Variants in SLC5A11 observed in about 807,000 individuals in gnomAD.
SLC5A11 encodes the protein solute carrier family 5 member 11.
A neutral mutation model predicts 69.8 loss-of-function variants in SLC5A11; 48 were observed. The ratio of observed to expected loss-of-function variants is 0.69; its 90% CI spans 0.55 to 0.87. The LOEUF is 0.87. Among genes scored for constraint, SLC5A11 ranks in the 40% least tolerant of loss-of-function variants. The probability of loss-of-function intolerance (pLI) is 0.00; values close to 1 mark genes in which losing one functional copy is unlikely to be tolerated. For synonymous variants in SLC5A11, 319 were observed against 342.4 expected (o/e 0.93, Z 0.75); for missense variants, 784 against 866.1 (o/e 0.91, Z 1.19).
exon 16 of SLC5A11, chr16:24,911,448 A>G: frequency 2.5e-6 from 4 of 1,614,166 alleles, no homozygotes; most frequent in Non-Finnish European, 3.4e-6. Flanking sequence ...TCCCTGGAAG[A>G]AAACCCCTTG....
Position 24,884,047 on chromosome 16 carries a change from C to T in SLC5A11, c.584-4C>T, listed in dbSNP as rs2048226761. On this transcript the variant is annotated splice_region_variant and splice_polypyrimidine_tract_variant and intron_variant, in intron 7 of 15. Transcript: ENST00000347898. ...GACCCTCACCTCCGTGCTCATCCCA[C>T]CAGGTGGCCTGGCTGCTGTGATCTA... 6.2e-7 allele frequency: 1 copy of T among 1,603,058 alleles called. No individual in the cohort carries two copies. The highest frequency in any genetic ancestry group is 8.5e-7 in the Non-Finnish European group (1 of 1,175,198).
At chr16:24,910,509 A>G in intron 15 of SLC5A11, 32 bp downstream of exon 16, 2 of 1,607,424 alleles carry the variant, frequency 1.2e-6, no homozygotes, top group South Asian at 1.1e-5. Context: ...TTACAGCAAG[A>G]AGGAGTACGT....
intron 12 of SLC5A11, among the ~76,000 whole-genome samples, chr16:24,907,627 G>A (rs1184076168): frequency 6.6e-6 from 1 of 151,882 alleles, no homozygotes; most frequent in Non-Finnish European, 1.5e-5. Context: ...AGAATCGTTT[G>A]AACCCAGGAG....
Position 24,892,243 on chromosome 16 carries a change from G to T in SLC5A11, c.870+1169G>T, listed in dbSNP as rs752590326. On this transcript the variant is annotated intron_variant, in intron 9 of 15. Coordinates refer to ENST00000347898, the Ensembl canonical transcript of SLC5A11. Reference sequence around the variant, plus strand: ...ACAGTAAGATCCTGTCTCAAATAATGTAGGGTGCTGAGGGGAGGTATCATT... The same window carrying T: ...ACAGTAAGATCCTGTCTCAAATAATTTAGGGTGCTGAGGGGAGGTATCATT... Among the ~76,000 whole-genome samples the T allele has an allele frequency of 1.4e-4, 22 of 151,856 alleles. No individual in the cohort carries two copies. In the East Asian group the frequency reaches 2.1e-3, roughly 15 times the overall value.
chr16:24,893,776 T>C (rs759095151), intron 9 of SLC5A11, among the ~76,000 whole-genome samples: 2 of 152,234 alleles, frequency 1.3e-5, no homozygotes, highest in Non-Finnish European at 2.9e-5. Context: ...TTCGCTATGT[T>C]GGCCAGGCTA....
intron 2 of SLC5A11, among the ~76,000 whole-genome samples, chr16:24,860,920 G>T (rs1340067044): frequency 6.6e-6 from 1 of 151,986 alleles, no homozygotes; most frequent in East Asian, 1.9e-4. Flanking sequence ...TGTTAGCCAG[G>T]ATGGTCTCAA....
rs2050269940 is a variant in SLC5A11, at chr16:24,908,786, A to G, written c.1435-95A>G. 15 of 1,178,800 alleles carry G rather than the reference A, an allele frequency of 1.3e-5. No individual in the cohort carries two copies. The East Asian group carries it at 3.6e-4, about 29-fold the overall frequency. 73.0% of individuals were successfully genotyped at this position (1,178,800 alleles called of 1,614,324 possible). ...TTGCTGACCCGTGCTTGCAGTGACC[A>G]CCACAAGAAAGACAAGTCCTGGAGA... On this transcript the variant is annotated intron_variant, in intron 13 of 15. Transcript: ENST00000347898.
intron 1 of SLC5A11, among the ~76,000 whole-genome samples, chr16:24,850,538 C>G (rs549495001): frequency 1.4e-4 from 22 of 152,294 alleles, no homozygotes; most frequent in Admixed American, 9.2e-4. Flanking sequence ...TGGCTTCCAG[C>G]CTGGGTGATG....
intron 7 of SLC5A11, among the ~76,000 whole-genome samples, chr16:24,878,090 C>T (rs976637889): frequency 1.3e-5 from 2 of 151,362 alleles, no homozygotes; most frequent in Admixed American, 6.6e-5. Context: ...GTGGGGCGGA[C>T]GTTGCAGTGA....
At chr16:24,850,148 C>G (rs1231057993) in intron 1 of SLC5A11, among the ~76,000 whole-genome samples, 1 of 152,052 alleles carries the variant, frequency 6.6e-6, no homozygotes, top group Non-Finnish European at 1.5e-5. Flanking sequence ...AAGGGTCTCA[C>G]TACATTGCCC....
intron 8 of SLC5A11, among the ~76,000 whole-genome samples, chr16:24,888,784 T>C (rs1325151303): frequency 1.4e-4 from 6 of 42,394 alleles, no homozygotes; most frequent in African/African-American, 5.8e-4. Context: ...GTGCCTGTCC[T>C]TTTTTTTTTT....
chr16:24,864,110 G>A (rs543029236), intron 3 of SLC5A11, among the ~76,000 whole-genome samples: 2 of 152,288 alleles, frequency 1.3e-5, no homozygotes, highest in South Asian at 2.1e-4. Flanking sequence ...GAAAAGCTGG[G>A]AAGTGAGATG....
Position 24,901,019 on chromosome 16 carries a change from G to C in SLC5A11, c.1006+2910G>C, listed in dbSNP as rs79845601. ...TCCCTATGAAAAGAGCTTCAGAGTGGAGTGTGGATATGAATATGGATTCTG... is the reference window on the plus strand; with the variant it reads ...TCCCTATGAAAAGAGCTTCAGAGTGCAGTGTGGATATGAATATGGATTCTG... On this transcript the variant is annotated intron_variant, in intron 10 of 15. Coordinates refer to ENST00000347898, the Ensembl canonical transcript of SLC5A11. Among the ~76,000 whole-genome samples the C allele has an allele frequency of 4.0e-4, 61 of 152,212 alleles. No individual in the cohort carries two copies. The East Asian group carries it at 0.011, about 27-fold the overall frequency.
chr16:24,889,892 A>G (rs2048664571), intron 8 of SLC5A11, among the ~76,000 whole-genome samples: 1 of 152,016 alleles, frequency 6.6e-6, no homozygotes, highest in African/African-American at 2.4e-5. Context: ...ACTATGTCAC[A>G]TTTTTAATAT....
rs1393057119 is a variant in SLC5A11, at chr16:24,846,001, G to A, written c.-462G>A. 1 of 152,442 alleles carries A rather than the reference G, an allele frequency of 6.6e-6. No homozygotes were observed. The highest frequency in any genetic ancestry group is 1.5e-5 in the Non-Finnish European group (1 of 68,208). The allele number at this position is 152,442 out of a possible 1,614,324, so 9.4% of individuals were successfully genotyped here. A position where few individuals can be genotyped will look rare whatever the true frequency, so the allele number is the denominator to read the frequency against. On this transcript the variant is annotated 5_prime_UTR_variant, in exon 1 of 16. It adds an upstream start codon to the 5' untranslated region. Coordinates refer to ENST00000347898, the Ensembl canonical transcript of SLC5A11. ...CTGTCCCCAGCGTGGAGGCGGGACA[G>A]TGGAAGACTGGGTGAGTGAAGCAGG...
At chr16:24,897,187 C>CA (rs1283078359) in intron 9 of SLC5A11, among the ~76,000 whole-genome samples, 1 of 151,918 alleles carries the variant, frequency 6.6e-6, no homozygotes, top group African/African-American at 2.4e-5. Flanking sequence ...CTCCTGGGCC[C>CA]AAGCAATCCT....
chr16:24,880,639 C>CTG (rs1567630510), intron 7 of SLC5A11, among the ~76,000 whole-genome samples: 4 of 152,120 alleles, frequency 2.6e-5, no homozygotes, highest in Admixed American at 1.3e-4. Flanking sequence ...TGGCCTAGTG[C>CTG]TACACACTTT....
chr16:24,879,842 G>A (rs532397872), intron 7 of SLC5A11, among the ~76,000 whole-genome samples: 2 of 152,144 alleles, frequency 1.3e-5, no homozygotes, highest in Admixed American at 6.6e-5. Context: ...TGCTGCAAAG[G>A]TTATGATTTT....
chr16:24,876,457 T>C (rs866307411), intron 6 of SLC5A11, among the ~76,000 whole-genome samples: 5 of 152,266 alleles, frequency 3.3e-5, no homozygotes, highest in Non-Finnish European at 4.4e-5. Context: ...TGGGCAGATC[T>C]CCTAGGAAGT....
Sources: gnomAD v4.1 joint callset for allele counts (sites outside exome capture counted in the v4.1 genomes callset) on GRCh38, gnomAD v4.1.1 for gene constraint, MANE v1.5 for transcripts, NCBI Gene and HGNC (gene_info 2026-07-23, HGNC 2026-07-21) for gene names.